Variants in YTHDF2 observed in about 807,000 individuals in gnomAD.
YTHDF2 encodes YTH domain-containing family protein 2.
Under a neutral mutation model 50.4 loss-of-function variants are expected in YTHDF2, and 2 were observed. That is an observed-to-expected ratio of 0.04 (90% CI 0.02 to 0.12). YTHDF2 has a LOEUF of 0.12. Ranked by LOEUF, YTHDF2 falls within the 10% of genes least tolerant of loss-of-function variation. The probability of loss-of-function intolerance (pLI) is 1.00; values close to 1 mark genes in which losing one functional copy is unlikely to be tolerated. For missense variants in YTHDF2, 483 were observed against 722.6 expected (o/e 0.67, Z 3.80); for synonymous variants, 217 against 255.6 (o/e 0.85, Z 1.44).
At chr1:28,738,993 C>T (rs2087737426) in intron 3 of YTHDF2, 2 of 152,202 alleles carry the variant, frequency 1.3e-5, no homozygotes, top group Admixed American at 1.3e-4. Context: ...TGTAGCAGTG[C>T]AGAATTTAGG....
intron 4 of YTHDF2, among the ~76,000 whole-genome samples, chr1:28,749,889 TA>T (rs773113455): frequency 6.7e-6 from 1 of 150,026 alleles, no homozygotes; most frequent in African/African-American, 2.4e-5. Flanking sequence ...AGTTTTAGTC[TA>T]AAAAAAAGTC....
intron 3 of YTHDF2, among the ~76,000 whole-genome samples, chr1:28,741,694 AGGC>A (rs1314854644): frequency 2.0e-5 from 3 of 152,232 alleles, no homozygotes; most frequent in Non-Finnish European, 4.4e-5. Context: ...GTTTGCCAAG[AGGC>A]TAGCACTATA....
At chr1:28,765,615 G>T (rs2088204356) in intron 4 of YTHDF2, among the ~76,000 whole-genome samples, 1 of 151,310 alleles carries the variant, frequency 6.6e-6, no homozygotes, top group Non-Finnish European at 1.5e-5. Context: ...AGTTAAATTT[G>T]TTGTTGTTGT....
At chr1:28,749,944 G>A (rs996101868) in intron 4 of YTHDF2, among the ~76,000 whole-genome samples, 1 of 139,204 alleles carries the variant, frequency 7.2e-6, no homozygotes, top group African/African-American at 2.7e-5. Flanking sequence ...ACTTTTCACT[G>A]TATACCCTTT....
chr1:28,760,228 AAAAGT>A (rs1270999007), intron 4 of YTHDF2, among the ~76,000 whole-genome samples: 1 of 152,144 alleles, frequency 6.6e-6, no homozygotes, highest in East Asian at 1.9e-4. Flanking sequence ...AATAATGATT[AAAAGT>A]ATAGTATAGT....
chr1:28,736,763 G>T (rs1346244193), upstream of YTHDF2: 1 of 292,222 alleles, frequency 3.4e-6, no homozygotes, highest in African/African-American at 2.3e-5. Flanking sequence ...CGCAGCGGCC[G>T]GCCTCTCCCT....
chr1:28,744,319 TA>T (rs916261764), intron 4 of YTHDF2, among the ~76,000 whole-genome samples: 1 of 152,116 alleles, frequency 6.6e-6, no homozygotes, highest in Non-Finnish European at 1.5e-5. Flanking sequence ...CCATAGAAAT[TA>T]AAGCAGAAGA....
At chr1:28,738,118 C>T in intron 2 of YTHDF2, 141 bp from the exon 3 acceptor site, 1 of 657,294 alleles carries the variant, frequency 1.5e-6, no homozygotes, top group South Asian at 2.0e-5. Context: ...TCAGCATTCA[C>T]TGTCATCTCT....
rs750687862 is a variant in YTHDF2 at position 28,742,841 on chromosome 1, G to T, written c.571G>T (p.Ala191Ser). 4.3e-6 allele frequency: 7 copies of T among 1,614,160 alleles called. No homozygotes were observed. The South Asian group carries it at 7.7e-5, about 18-fold the overall frequency. Residue 191 changes from alanine to serine, a missense_variant, in exon 4 of 5, where the codon GCA (alanine) becomes TCA (serine). Coordinates refer to ENST00000373812, the MANE Select transcript of YTHDF2 (RefSeq NM_016258.3). ...GAATACTATAGACCAAGGGATGGCA[G>T]CACTGAAGTTGGGTAGCACAGAAGT... ...GMNTIDQGMA[A>S]LKLGSTEVAS...
In YTHDF2 at chr1:28,768,942, G is replaced by A. The variant is rs1184476986; in HGVS notation, c.1730G>A (p.Arg577His). The change falls in exon 5 of 5, where the codon CGT becomes CAT. Residue 577 changes from arginine (R) to histidine (H), a missense_variant. Arg to His is a conservative substitution (Grantham distance 29). This residue lies in a region of YTHDF2 where 38 missense variants were observed against 60.1 expected (regional missense o/e 0.63). Coordinates refer to ENST00000373812, the MANE Select transcript of YTHDF2 (RefSeq NM_016258.3). ...TTACCTCTGTAGGAACGTCAAGGTC[G>A]TGGGAAATAAAAGGCAGTTCTACAC... Reference protein sequence around the residue: ...EESVKKERQGRGK With the variant: ...EESVKKERQGHGK The A allele has an allele frequency of 8.8e-6, 14 of 1,592,608 alleles. No homozygotes were observed. The highest frequency in any genetic ancestry group is 1.1e-5 in the South Asian group (1 of 87,084).
intron 4 of YTHDF2, among the ~76,000 whole-genome samples, chr1:28,766,518 T>C (rs1041239663): frequency 6.6e-6 from 1 of 152,198 alleles, no homozygotes; most frequent in Non-Finnish European, 1.5e-5. Context: ...AGATGTCTGT[T>C]TATGCCATTA....
chr1:28,744,846 T>G (rs976064579), intron 4 of YTHDF2, among the ~76,000 whole-genome samples: 2 of 152,056 alleles, frequency 1.3e-5, no homozygotes, highest in African/African-American at 2.4e-5. Context: ...TTTTTCATGT[T>G]TTTTGTAGAG....
chr1:28,760,359 A>G (rs1046300048), intron 4 of YTHDF2, among the ~76,000 whole-genome samples: 17 of 150,600 alleles, frequency 1.1e-4, no homozygotes, highest in African/African-American at 2.7e-4. Context: ...CAGTGGCGCT[A>G]TCTTGGCTCA....
intron 4 of YTHDF2, among the ~76,000 whole-genome samples, chr1:28,761,957 CAT>C (rs972260754): frequency 6.6e-6 from 1 of 152,016 alleles, no homozygotes; most frequent in Non-Finnish European, 1.5e-5. Flanking sequence ...CTTGATGTTT[CAT>C]ATATATATGA....
At chr1:28,744,138 A>G in intron 4 of YTHDF2, 152 bp downstream of exon 4, 3 of 876,484 alleles carry the variant, frequency 3.4e-6, no homozygotes, top group Middle Eastern at 3.7e-4. Flanking sequence ...ATTGGTTTTA[A>G]TACTTGAACC....
chr1:28,756,379 A>G (rs537995770), intron 4 of YTHDF2, among the ~76,000 whole-genome samples: 2 of 152,312 alleles, frequency 1.3e-5, no homozygotes, highest in African/African-American at 4.8e-5. Flanking sequence ...AATAGTTTAA[A>G]CCAAGAATCA....
intron 4 of YTHDF2, among the ~76,000 whole-genome samples, chr1:28,763,876 T>TG (rs1475433626): frequency 6.6e-6 from 1 of 151,010 alleles, no homozygotes. Context: ...CTTTTGTTTT[T>TG]TTTTTTCCTA....
chr1:28,748,237 T>C (rs1028878110), intron 4 of YTHDF2, among the ~76,000 whole-genome samples: 10 of 152,198 alleles, frequency 6.6e-5, no homozygotes, highest in African/African-American at 2.4e-4. Context: ...TCCTGTTGGT[T>C]ACTATTTTCC....
intron 4 of YTHDF2, among the ~76,000 whole-genome samples, chr1:28,750,951 G>C (rs2087941881): frequency 6.6e-6 from 1 of 151,832 alleles, no homozygotes; most frequent in African/African-American, 2.4e-5. Context: ...AAATTAGCCA[G>C]GCGTGGTGGC....
Sources: gnomAD v4.1 joint callset for allele counts (sites outside exome capture counted in the v4.1 genomes callset) on GRCh38, gnomAD v4.1.1 for gene constraint, gnomAD v4.1.1 regional missense constraint, MANE v1.5 for transcripts, NCBI Gene and HGNC (gene_info 2026-07-23, HGNC 2026-07-21) for gene names.